Variants in KAZN observed in about 807,000 individuals in gnomAD.
KAZN encodes kazrin.
Under a neutral mutation model 87.4 loss-of-function variants are expected in KAZN, and 40 were observed. The ratio of observed to expected loss-of-function variants is 0.46; its 90% CI spans 0.36 to 0.60. The LOEUF is 0.60. KAZN is among the 20% of genes least tolerant of loss of function. The pLI, the probability that KAZN is intolerant of heterozygous loss-of-function variation, is 0.00. For missense variants in KAZN, 898 were observed against 1,073.9 expected (o/e 0.84, Z 2.29); for synonymous variants, 466 against 458.3 (o/e 1.02, Z -0.22).
At chr1:14,592,510 C>A (rs1389951863) in intron 2 of KAZN, among the ~76,000 whole-genome samples, 2 of 152,182 alleles carry the variant, frequency 1.3e-5, no homozygotes, top group African/African-American at 4.8e-5. Context: ...TCTGGTTGAT[C>A]AGGGGTGGGG....
chr1:13,964,878 G>A (rs542985906), intron 1 of KAZN, among the ~76,000 whole-genome samples: 1 of 152,326 alleles, frequency 6.6e-6, no homozygotes, highest in Admixed American at 6.5e-5. Context: ...TAAACAGGCT[G>A]GCAGGGAAAG....
chr1:14,424,008 T>C (rs1665577644), intron 2 of KAZN, among the ~76,000 whole-genome samples: 1 of 151,938 alleles, frequency 6.6e-6, no homozygotes, highest in South Asian at 2.1e-4. Context: ...TGGATACATA[T>C]GTGCCTTAAG....
chr1:14,265,240 C>T (rs1049733633), intron 2 of KAZN, among the ~76,000 whole-genome samples: 2 of 152,190 alleles, frequency 1.3e-5, no homozygotes, highest in Non-Finnish European at 2.9e-5. Context: ...AGAGATCTGT[C>T]AGGCCTCCTT....
At chr1:14,267,497 A>G (rs1571183190) in intron 2 of KAZN, among the ~76,000 whole-genome samples, 1 of 152,202 alleles carries the variant, frequency 6.6e-6, no homozygotes, top group Non-Finnish European at 1.5e-5. Flanking sequence ...CTTAAAGTAC[A>G]TGGGAGGATG....
At chr1:14,550,810 T>C (rs1571914023) in intron 2 of KAZN, among the ~76,000 whole-genome samples, 2 of 131,578 alleles carry the variant, frequency 1.5e-5, no homozygotes, top group East Asian at 5.3e-4. Context: ...AGGATCAGAC[T>C]GAAATTCTTC....
chr1:14,655,899 C>T (rs578023977), intron 1 of KAZN, among the ~76,000 whole-genome samples: 43 of 152,286 alleles, frequency 2.8e-4, no homozygotes, highest in African/African-American at 1.0e-3. Context: ...TGGGGGCTTA[C>T]ATACAGTGGA....
chr1:14,234,339 G>C (rs1336739608), intron 2 of KAZN, among the ~76,000 whole-genome samples: 1 of 147,718 alleles, frequency 6.8e-6, no homozygotes, highest in Non-Finnish European at 1.5e-5. Flanking sequence ...TCACTCATAA[G>C]TGGGAGTTGA....
chr1:14,062,364 T>G (rs1570645265), intron 1 of KAZN, among the ~76,000 whole-genome samples: 1 of 152,194 alleles, frequency 6.6e-6, no homozygotes, highest in East Asian at 1.9e-4. Context: ...GCCATCCTAC[T>G]TGAGGCACTA....
chr1:14,674,918 C>T (rs927636974), intron 1 of KAZN, among the ~76,000 whole-genome samples: 8 of 151,956 alleles, frequency 5.3e-5, no homozygotes, highest in Non-Finnish European at 1.2e-4. Flanking sequence ...TCCTGAGCAC[C>T]TGGGACTACA....
At chr1:14,635,181 G>A (rs190979733) in intron 1 of KAZN, among the ~76,000 whole-genome samples, 1 of 152,220 alleles carries the variant, frequency 6.6e-6, no homozygotes, top group Non-Finnish European at 1.5e-5. Flanking sequence ...GTGGTGGAAT[G>A]GATTAGGGAG....
rs543406009 is a variant in KAZN at position 14,768,228 on chromosome 1, T to A, written c.226+169005T>A. On this transcript the variant is annotated intron_variant, in intron 1 of 14. Transcript: ENST00000376030. ...AAAAGATCTGGGAAAGAGGACTCTA[T>A]TTATATGACTATTTTGAGACTATAG... is the stretch of plus-strand genomic sequence containing the variant. 2.6e-5 allele frequency among the ~76,000 whole-genome samples: 4 copies of A among 152,294 alleles called. No individual in the cohort carries two copies. In the East Asian group the frequency reaches 7.7e-4, roughly 29 times the overall value.
intron 1 of KAZN, among the ~76,000 whole-genome samples, chr1:14,734,237 G>A (rs1481999583): frequency 1.3e-5 from 2 of 152,054 alleles, no homozygotes; most frequent in Non-Finnish European, 2.9e-5. Context: ...CCGGGATCTG[G>A]ATAGACTGCA....
intron 8 of KAZN, among the ~76,000 whole-genome samples, chr1:15,093,099 G>A (rs1162520612): frequency 6.6e-6 from 1 of 152,118 alleles, no homozygotes; most frequent in African/African-American, 2.4e-5. Context: ...CCATCAGTAG[G>A]AGGTGAAATA....
At chr1:14,203,853 T>C (rs568001152) in intron 2 of KAZN, among the ~76,000 whole-genome samples, 4 of 152,302 alleles carry the variant, frequency 2.6e-5, no homozygotes, top group Non-Finnish European at 1.5e-5. Flanking sequence ...CAAATGTTCA[T>C]AGCAACAGGA....
At position 14,475,990 on chromosome 1, in the gene KAZN, ATTGT is replaced by A. The variant is rs571868787; in HGVS notation, c.250-122989_250-122986del. 2.3e-4 allele frequency among the ~76,000 whole-genome samples: 35 copies of A among 152,306 alleles called. 1 individual carries two copies. The South Asian group carries it at 7.0e-3, about 31-fold the overall frequency. On this transcript the variant is annotated intron_variant, in intron 2 of 16. Coordinates refer to the KAZN transcript ENST00000636203. ...GGATTGAGACAATAATGAGGTTATC[ATTGT>A]TTGAGCATTTACTACACAGACTCTC...
intron 2 of KAZN, among the ~76,000 whole-genome samples, chr1:14,250,968 C>G (rs561845447): frequency 7.9e-5 from 12 of 152,194 alleles, no homozygotes; most frequent in African/African-American, 2.6e-4. Context: ...TTTCATGAAC[C>G]TGTACTAGAG....
chr1:14,436,154 G>A (rs1392217008), intron 2 of KAZN, among the ~76,000 whole-genome samples: 3 of 151,796 alleles, frequency 2.0e-5, no homozygotes, highest in African/African-American at 7.3e-5. Flanking sequence ...GCTTGAACCC[G>A]GGAGGTGGAG....
chr1:14,393,351 A>G (rs2050941), intron 2 of KAZN, among the ~76,000 whole-genome samples: 53,999 of 152,084 alleles, frequency 0.36, 10,167 homozygotes, highest in East Asian at 0.72. Flanking sequence ...TATTGCTATT[A>G]TCATCATGAT....
chr1:15,085,484 C>A (rs769358533), intron 8 of KAZN, among the ~76,000 whole-genome samples: 1 of 152,152 alleles, frequency 6.6e-6, no homozygotes, highest in Non-Finnish European at 1.5e-5. Flanking sequence ...TCTGCCACCA[C>A]GCCCAGCTAA....
Sources: allele counts gnomAD v4.1 joint callset (sites outside exome capture counted in the v4.1 genomes callset), GRCh38; gene constraint gnomAD v4.1.1; transcripts MANE v1.5; gene names NCBI Gene and HGNC (gene_info 2026-07-23, HGNC 2026-07-21).